Variants in ETV6 observed in about 807,000 individuals in gnomAD.
ETV6 encodes transcription factor ETV6.
A neutral mutation model predicts 51.1 loss-of-function variants in ETV6; 16 were observed. The observed-to-expected ratio is 0.31, with a 90% CI of 0.21 to 0.48. The LOEUF is 0.48. Among genes scored for constraint, ETV6 ranks in the 20% least tolerant of loss-of-function variants. The pLI is 0.99. For missense variants in ETV6, 458 were observed against 594.8 expected, an observed-to-expected ratio of 0.77 and a Z score of 2.39; for synonymous variants, 240 against 224.1, an observed-to-expected ratio of 1.07 and a Z score of -0.64.
intron 7 of ETV6, among the ~76,000 whole-genome samples, chr12:11,886,854 G>T (rs1402428725): frequency 6.6e-6 from 1 of 152,216 alleles, no homozygotes; most frequent in African/African-American, 2.4e-5. Context: ...CCAACTGCAG[G>T]TTGGTAGAAG....
At position 11,652,895 on chromosome 12, in the gene ETV6, G is replaced by A. The variant is rs115167429; in HGVS notation, c.33+2735G>A. The stretch of plus-strand genomic sequence containing the variant: ...TTTCTGTTTCTTTTGCACTGTGTAA[G>A]TTTGCTCCCATCGCCTGGGGAAGTT... On this transcript the variant is annotated intron_variant, in intron 1 of 7. Coordinates refer to ENST00000396373, the MANE Select transcript of ETV6 (RefSeq NM_001987.5). Among the ~76,000 whole-genome samples, 1,081 of 152,288 alleles carry A rather than the reference G, an allele frequency of 7.1e-3. 10 individuals carry two copies. Among genetic ancestry groups the A allele is most frequent in the African/African-American group, 0.024 (986 of 41,566 alleles).
chr12:11,702,668 C>A (rs1336939968), intron 1 of ETV6, among the ~76,000 whole-genome samples: 1 of 150,790 alleles, frequency 6.6e-6, no homozygotes, highest in Admixed American at 6.6e-5. Context: ...TTTGAGTCAT[C>A]AGAACCTACC....
chr12:11,676,432 C>T (rs183129201), intron 1 of ETV6, among the ~76,000 whole-genome samples: 13 of 152,292 alleles, frequency 8.5e-5, no homozygotes, highest in African/African-American at 2.2e-4. Flanking sequence ...CAAGGCCCTG[C>T]GTGATCTGGC....
intron 1 of ETV6, among the ~76,000 whole-genome samples, chr12:11,745,213 A>G (rs1565508857): frequency 6.6e-6 from 1 of 152,220 alleles, no homozygotes; most frequent in Non-Finnish European, 1.5e-5. Context: ...AGGGGAGATA[A>G]GATTGTATAG....
chr12:11,809,922 CA>C (rs1945888967), intron 2 of ETV6, among the ~76,000 whole-genome samples: 1 of 145,854 alleles, frequency 6.9e-6, no homozygotes, highest in Non-Finnish European at 1.5e-5. Context: ...CAGATTCAAG[CA>C]ATTCTCCTGC....
intron 1 of ETV6, among the ~76,000 whole-genome samples, chr12:11,654,445 A>C (rs1863961844): frequency 6.6e-6 from 1 of 152,162 alleles, no homozygotes; most frequent in Non-Finnish European, 1.5e-5. Flanking sequence ...AGGCCACTGC[A>C]TTCTCTGGGT....
intron 1 of ETV6, among the ~76,000 whole-genome samples, chr12:11,714,866 T>G (rs1218901420): frequency 6.6e-6 from 1 of 151,970 alleles, no homozygotes; most frequent in East Asian, 1.9e-4. Flanking sequence ...ACAAAGACGG[T>G]TAGAAGGCAG....
intron 1 of ETV6, among the ~76,000 whole-genome samples, chr12:11,666,532 A>G (rs1001511293): frequency 6.6e-6 from 1 of 152,220 alleles, no homozygotes; most frequent in Non-Finnish European, 1.5e-5. Flanking sequence ...TGTTAGGGTT[A>G]TGAATCTGAT....
intron 2 of ETV6, among the ~76,000 whole-genome samples, chr12:11,830,935 G>A (rs533148673): frequency 7.2e-5 from 11 of 152,296 alleles, no homozygotes; most frequent in Non-Finnish European, 1.5e-4. Context: ...GATTGGGGAA[G>A]GGAAATGAGA....
intron 1 of ETV6, among the ~76,000 whole-genome samples, chr12:11,723,340 T>G (rs1865427601): frequency 6.6e-6 from 1 of 152,166 alleles, no homozygotes; most frequent in Non-Finnish European, 1.5e-5. Flanking sequence ...CTCAGTACTT[T>G]GCAAGGATTA....
At chr12:11,805,200 G>A (rs946978846) in intron 2 of ETV6, among the ~76,000 whole-genome samples, 2 of 152,174 alleles carry the variant, frequency 1.3e-5, no homozygotes, top group African/African-American at 4.8e-5. Context: ...GAGGTTTTAT[G>A]AAGTTCTGGT....
At chr12:11,822,795 C>T (rs1946099543) in intron 2 of ETV6, among the ~76,000 whole-genome samples, 1 of 152,166 alleles carries the variant, frequency 6.6e-6, no homozygotes, top group South Asian at 2.1e-4. Flanking sequence ...GCTTCATTTC[C>T]AGAAAGGACA....
At chr12:11,817,477 T>C (rs1946010364) in intron 2 of ETV6, among the ~76,000 whole-genome samples, 1 of 152,032 alleles carries the variant, frequency 6.6e-6, no homozygotes, top group Non-Finnish European at 1.5e-5. Context: ...AACCAAAAAA[T>C]AAATCAGTTG....
intron 2 of ETV6, among the ~76,000 whole-genome samples, chr12:11,812,466 C>T (rs1945927726): frequency 6.6e-6 from 1 of 152,196 alleles, no homozygotes; most frequent in African/African-American, 2.4e-5. Context: ...CCCCTGTGCT[C>T]ACTCACATAC....
At chr12:11,703,300 G>A (rs1396719031) in intron 1 of ETV6, among the ~76,000 whole-genome samples, 2 of 150,506 alleles carry the variant, frequency 1.3e-5, no homozygotes, top group East Asian at 1.9e-4. Context: ...GTTAACCTTT[G>A]CATTAGTCAG....
chr12:11,831,775 G>C (rs185806663), intron 2 of ETV6, among the ~76,000 whole-genome samples: 1 of 152,192 alleles, frequency 6.6e-6, no homozygotes, highest in South Asian at 2.1e-4. Context: ...CATAGATATT[G>C]TCAGTAACTA....
chr12:11,768,015 T>C (rs546639242), intron 2 of ETV6, among the ~76,000 whole-genome samples: 2 of 152,286 alleles, frequency 1.3e-5, no homozygotes, highest in African/African-American at 4.8e-5. Flanking sequence ...CAGGGAACAC[T>C]CAGGATATTT....
intron 1 of ETV6, among the ~76,000 whole-genome samples, chr12:11,733,238 C>A (rs754936199): frequency 6.6e-6 from 1 of 151,988 alleles, no homozygotes; most frequent in African/African-American, 2.4e-5. Context: ...GAAACCCTGT[C>A]TCTACTAAAA....
In ETV6 at chr12:11,793,055, T is replaced by C. The variant is rs2856333; in HGVS notation, c.163+40476T>C. Among the ~76,000 whole-genome samples, 1,513 of 152,252 alleles carry C rather than the reference T, an allele frequency of 9.9e-3. 26 individuals are homozygous for C. The highest frequency in any genetic ancestry group is 0.034 in the African/African-American group (1,430 of 41,516). On this transcript the variant is annotated intron_variant, in intron 2 of 7. Transcript: ENST00000396373. ...ATTTTTAAAGCTTTAATGTCTGTTT[T>C]TAAGGAATAGTTCTTTAATTTAAAA...
Sources: allele counts gnomAD v4.1 joint callset (sites outside exome capture counted in the v4.1 genomes callset), GRCh38; gene constraint gnomAD v4.1.1; transcripts MANE v1.5; gene names NCBI Gene and HGNC (gene_info 2026-07-23, HGNC 2026-07-21).